The following PLEKHM3 variants were observed in gnomAD, a reference collection of about 807,000 sequenced individuals.
The protein encoded by PLEKHM3 is pleckstrin homology domain-containing family M member 3.
A neutral mutation model predicts 81.8 loss-of-function variants in PLEKHM3; 45 were observed. The observed-to-expected ratio is 0.55, with a 90% confidence interval of 0.43 to 0.71. The LOEUF (loss-of-function observed/expected upper bound fraction) is 0.71. PLEKHM3 is among the 30% of genes least tolerant of loss of function. The probability of loss-of-function intolerance (pLI) is 0.00; values close to 1 mark genes in which losing one functional copy is unlikely to be tolerated. For synonymous variants in PLEKHM3, 352 were observed against 356.4 expected (o/e 0.99, Z 0.14); for missense variants, 788 against 924.3 (o/e 0.85, Z 1.91).
At chr2:207,951,260 C>T (rs1382164742) in intron 3 of PLEKHM3, among the ~76,000 whole-genome samples, 1 of 151,990 alleles carries the variant, frequency 6.6e-6, no homozygotes, top group African/African-American at 2.4e-5. Flanking sequence ...TGAAAAGCGA[C>T]ATTATGGGAA....
chr2:207,949,842 G>A (rs1293397161), intron 3 of PLEKHM3, among the ~76,000 whole-genome samples: 3 of 152,130 alleles, frequency 2.0e-5, no homozygotes, highest in Non-Finnish European at 2.9e-5. Context: ...ATATTCCCTA[G>A]TAGGCACTAC....
intron 2 of PLEKHM3, among the ~76,000 whole-genome samples, chr2:207,987,149 T>C (rs568649651): frequency 6.6e-6 from 1 of 152,322 alleles, no homozygotes; most frequent in East Asian, 1.9e-4. Context: ...CCAGACAGCA[T>C]GCTACTTGGT....
intron 3 of PLEKHM3, among the ~76,000 whole-genome samples, chr2:207,949,625 T>C (rs1160019485): frequency 6.6e-6 from 1 of 152,228 alleles, no homozygotes; most frequent in Non-Finnish European, 1.5e-5. Flanking sequence ...GACAGTGGGA[T>C]ACTGCTATTT....
intron 1 of PLEKHM3, among the ~76,000 whole-genome samples, chr2:208,011,785 C>CTTTTTTT (rs1177948830): frequency 5.0e-5 from 4 of 79,992 alleles, no homozygotes; most frequent in African/African-American, 1.2e-4. Context: ...CTCTGATAAA[C>CTTTTTTT]TTTTTTTTTT....
At chr2:207,831,431 T>C (rs529447967) in intron 7 of PLEKHM3, among the ~76,000 whole-genome samples, 7 of 152,226 alleles carry the variant, frequency 4.6e-5, no homozygotes, top group Admixed American at 3.3e-4. Flanking sequence ...TAGGGAAACG[T>C]AGGGCTTCCA....
At chr2:207,860,537 A>G (rs939595687) in intron 7 of PLEKHM3, among the ~76,000 whole-genome samples, 1 of 152,214 alleles carries the variant, frequency 6.6e-6, no homozygotes, top group African/African-American at 2.4e-5. Context: ...TGAATCATCC[A>G]TCAATCCATG....
chr2:207,944,182 T>C (rs115785695), intron 4 of PLEKHM3, among the ~76,000 whole-genome samples: 2,833 of 152,134 alleles, frequency 0.019, 31 homozygotes, highest in Middle Eastern at 0.054. Flanking sequence ...GAGAAGGTGA[T>C]TGAAAAAGAA....
chr2:207,977,814 G>A (rs1334678769), intron 2 of PLEKHM3, among the ~76,000 whole-genome samples: 12 of 152,240 alleles, frequency 7.9e-5, no homozygotes, highest in African/African-American at 2.6e-4. Context: ...GGCTGGGTGC[G>A]GTGGCACACA....
At chr2:208,022,332 A>C (rs745321579) in intron 1 of PLEKHM3, among the ~76,000 whole-genome samples, 36 of 152,162 alleles carry the variant, frequency 2.4e-4, no homozygotes, top group Non-Finnish European at 8.8e-5. Flanking sequence ...TTAAAACAAC[A>C]CCTATTCATT....
chr2:207,947,104 G>A (rs1402138877), intron 3 of PLEKHM3, among the ~76,000 whole-genome samples: 2 of 152,104 alleles, frequency 1.3e-5, no homozygotes, highest in African/African-American at 4.8e-5. Flanking sequence ...AAGGAATTTG[G>A]CCTCTGATTG....
chr2:207,957,464 C>T (rs1008893787), intron 3 of PLEKHM3, among the ~76,000 whole-genome samples: 6 of 152,120 alleles, frequency 3.9e-5, no homozygotes, highest in Non-Finnish European at 2.9e-5. Context: ...TTTGGGAGGC[C>T]GAGGCGGGTG....
chr2:208,002,745 A>G (rs147187418), intron 1 of PLEKHM3, among the ~76,000 whole-genome samples: 143 of 152,334 alleles, frequency 9.4e-4, no homozygotes, highest in Middle Eastern at 3.4e-3. Flanking sequence ...ACACTAGATT[A>G]CCAAGACCAG....
rs1204370842 is a variant in PLEKHM3, at chr2:207,824,644, C to G, written c.*3675G>C. On this transcript the variant is annotated 3_prime_UTR_variant, in exon 8 of 8. Transcript: ENST00000427836. ...CAAACTCCCAGGTTTGGAAGCCAAG[C>G]CTCTCTGAGGAGGCACAGAAAAGAA... The G allele has an allele frequency of 1.3e-5, 2 of 152,256 alleles. No homozygotes were observed. The highest frequency in any genetic ancestry group is 2.9e-5 in the Non-Finnish European group (2 of 68,082). 9.4% of individuals were successfully genotyped at this position (152,256 alleles called of 1,614,324 possible).
chr2:207,924,105 A>G (rs892056608), intron 5 of PLEKHM3, among the ~76,000 whole-genome samples: 101 of 150,702 alleles, frequency 6.7e-4, no homozygotes, highest in Non-Finnish European at 1.2e-3. Flanking sequence ...AGGTTTCACC[A>G]TGTTGGCGAG....
At chr2:207,998,250 C>T (rs947041458) in intron 2 of PLEKHM3, among the ~76,000 whole-genome samples, 1 of 152,190 alleles carries the variant, frequency 6.6e-6, no homozygotes, top group African/African-American at 2.4e-5. Flanking sequence ...ACGCCTGTAA[C>T]CCCAACAGTT....
intron 5 of PLEKHM3, among the ~76,000 whole-genome samples, chr2:207,920,065 T>G (rs934247549): frequency 2.0e-5 from 3 of 152,188 alleles, no homozygotes; most frequent in African/African-American, 7.2e-5. Context: ...AAACTGATAT[T>G]TCAGTGGGAA....
At chr2:207,930,579 T>C (rs1689556192) in intron 5 of PLEKHM3, among the ~76,000 whole-genome samples, 1 of 152,170 alleles carries the variant, frequency 6.6e-6, no homozygotes, top group Non-Finnish European at 1.5e-5. Flanking sequence ...TTGGGAAAAG[T>C]ATAAAATACT....
intron 7 of PLEKHM3, among the ~76,000 whole-genome samples, chr2:207,831,883 T>A (rs1251898398): frequency 6.6e-6 from 1 of 152,222 alleles, no homozygotes; most frequent in Non-Finnish European, 1.5e-5. Context: ...TAATGATAGC[T>A]TTATCATATA....
chr2:207,991,803 T>G (rs1293079488), intron 2 of PLEKHM3, among the ~76,000 whole-genome samples: 1 of 152,152 alleles, frequency 6.6e-6, no homozygotes, highest in East Asian at 1.9e-4. Context: ...AGCAAAAAGA[T>G]GGAAAGCCTG....
Sources: gnomAD v4.1 joint callset for allele counts (sites outside exome capture counted in the v4.1 genomes callset) on GRCh38, gnomAD v4.1.1 for gene constraint, MANE v1.5 for transcripts, NCBI Gene and HGNC (gene_info 2026-07-23, HGNC 2026-07-21) for gene names.